Variants in NOS1AP observed in about 807,000 individuals in gnomAD.
NOS1AP encodes the protein carboxyl-terminal PDZ ligand of neuronal nitric oxide synthase protein.
NOS1AP carries 21 observed loss-of-function variants against 56.2 expected under a neutral mutation model. That is an observed-to-expected ratio of 0.37 (90% confidence interval 0.26 to 0.54). The LOEUF is 0.54. Ranked by LOEUF, NOS1AP falls within the 20% of genes least tolerant of loss-of-function variation. NOS1AP has a pLI of 0.84. For missense variants in NOS1AP, 522 were observed against 657.8 expected (o/e 0.79, Z 2.26); for synonymous variants, 270 against 274.6 (o/e 0.98, Z 0.17).
In NOS1AP at chr1:162,362,479, GAAA is replaced by G. The variant is rs1212580025; in HGVS notation, c.940-2923_940-2921del. Among the ~76,000 whole-genome samples, 3 of 35,248 alleles carry G rather than the reference GAAA, an allele frequency of 8.5e-5. No homozygotes were observed. In the Admixed American group the frequency reaches 1.0e-3, roughly 12 times the overall value. 23.1% of individuals were successfully genotyped at this position (35,248 alleles called of 152,430 possible). A position where few individuals can be genotyped will look rare whatever the true frequency, so the allele number is the denominator to read the frequency against. ...AAAAAAAGAAGAAAAAAGAAAGAAAGAAAAGAAAAGAAAAGAAACTGACTCTGC... is the reference window on the plus strand; with the variant it reads ...AAAAAAAGAAGAAAAAAGAAAGAAAGAGAAAAGAAAAGAAACTGACTCTGC... On this transcript the variant is annotated intron_variant, in intron 8 of 9. Coordinates refer to ENST00000361897, the MANE Select transcript of NOS1AP (RefSeq NM_014697.3).
At chr1:162,334,513 G>A (rs1246925549) in intron 5 of NOS1AP, among the ~76,000 whole-genome samples, 1 of 152,218 alleles carries the variant, frequency 6.6e-6, no homozygotes, top group Non-Finnish European at 1.5e-5. Flanking sequence ...GTGGCCTTGT[G>A]TAGGGGACCT....
At chr1:162,247,448 A>G (rs1414807786) in intron 2 of NOS1AP, among the ~76,000 whole-genome samples, 2 of 152,184 alleles carry the variant, frequency 1.3e-5, no homozygotes, top group Admixed American at 1.3e-4. Flanking sequence ...AGGGTTGAGT[A>G]ACCTTTCCTG....
chr1:162,292,776 T>C (rs1045036207), intron 3 of NOS1AP, among the ~76,000 whole-genome samples: 2 of 152,232 alleles, frequency 1.3e-5, no homozygotes, highest in African/African-American at 4.8e-5. Context: ...CAAACAGTAG[T>C]GCTGGTTACT....
At chr1:162,289,423 G>T (rs1275780867) in intron 3 of NOS1AP, among the ~76,000 whole-genome samples, 1 of 147,350 alleles carries the variant, frequency 6.8e-6, no homozygotes, top group African/African-American at 2.5e-5. Context: ...TCAGCCTCCC[G>T]AGTAGCTGTG....
chr1:162,100,276 A>G (rs1040562587), intron 1 of NOS1AP, among the ~76,000 whole-genome samples: 14 of 151,462 alleles, frequency 9.2e-5, no homozygotes, highest in Non-Finnish European at 2.1e-4. Context: ...CTATTTCTCC[A>G]CATCCTCTCC....
At chr1:162,283,196 T>C (rs1005751123) in intron 2 of NOS1AP, among the ~76,000 whole-genome samples, 31 of 152,088 alleles carry the variant, frequency 2.0e-4, no homozygotes, top group African/African-American at 6.0e-4. Flanking sequence ...AAATCAGGTA[T>C]TTTCAAACAT....
chr1:162,115,561 C>A (rs1028868841), intron 1 of NOS1AP, among the ~76,000 whole-genome samples: 1 of 152,116 alleles, frequency 6.6e-6, no homozygotes, highest in African/African-American at 2.4e-5. Context: ...GGCTTGCAGA[C>A]CAGCAGCAGG....
chr1:162,287,238 C>T (rs1048474069), intron 2 of NOS1AP, 106 bp from the exon 3 acceptor site: 2 of 789,648 alleles, frequency 2.5e-6, no homozygotes, highest in Non-Finnish European at 4.5e-6. Context: ...AGCTATTCCC[C>T]ACACCTGTCT....
chr1:162,231,318 T>C (rs2101668948), intron 2 of NOS1AP, among the ~76,000 whole-genome samples: 1 of 152,318 alleles, frequency 6.6e-6, no homozygotes, highest in South Asian at 2.1e-4. Context: ...CTTCTGCCCA[T>C]TTTAAAATTG....
At chr1:162,296,024 C>T (rs1457631517) in intron 3 of NOS1AP, among the ~76,000 whole-genome samples, 1 of 152,076 alleles carries the variant, frequency 6.6e-6, no homozygotes, top group African/African-American at 2.4e-5. Flanking sequence ...TGGTGGCTCA[C>T]ACCTGTAATC....
Position 162,261,067 on chromosome 1 carries a change from T to A in NOS1AP, c.178-26277T>A, listed in dbSNP as rs116208677. Among the ~76,000 whole-genome samples the A allele has an allele frequency of 6.8e-3, 926 of 136,066 alleles. 159 individuals are homozygous for A. Among genetic ancestry groups the A allele is most frequent in the African/African-American group, 0.024 (828 of 35,156 alleles). The allele number at this position is 136,066 out of a possible 152,430, so 89.3% of individuals were successfully genotyped here. ...TTCCCAAGATGACTAATATAACAAATTAGAATTTGTTATACTCCCAAAGTG... is the reference window on the plus strand; with the variant it reads ...TTCCCAAGATGACTAATATAACAAAATAGAATTTGTTATACTCCCAAAGTG... On this transcript the variant is annotated intron_variant, in intron 2 of 9. Coordinates refer to ENST00000361897, the MANE Select transcript of NOS1AP (RefSeq NM_014697.3).
chr1:162,219,525 CT>C (rs146725586), intron 2 of NOS1AP, among the ~76,000 whole-genome samples: 6,249 of 152,276 alleles, frequency 0.041, 168 homozygotes, highest in Middle Eastern at 0.078. Flanking sequence ...CTCTGACCCC[CT>C]GCCACACAAA....
intron 2 of NOS1AP, among the ~76,000 whole-genome samples, chr1:162,227,192 C>T (rs1318064904): frequency 1.3e-5 from 2 of 152,288 alleles, no homozygotes; most frequent in East Asian, 3.9e-4. Context: ...CTTTCCCCCG[C>T]TGTGCATTGA....
At chr1:162,238,351 G>A (rs1400686412) in intron 2 of NOS1AP, among the ~76,000 whole-genome samples, 2 of 152,110 alleles carry the variant, frequency 1.3e-5, no homozygotes, top group African/African-American at 4.8e-5. Context: ...CCTGGTTGGG[G>A]ATAGAGTCTA....
intron 8 of NOS1AP, among the ~76,000 whole-genome samples, chr1:162,361,244 G>A (rs922875171): frequency 6.6e-6 from 1 of 151,568 alleles, no homozygotes; most frequent in African/African-American, 2.4e-5. Flanking sequence ...TACAAAAGGG[G>A]CTTAATTCTT....
intron 4 of NOS1AP, among the ~76,000 whole-genome samples, chr1:162,304,541 G>A (rs1354761078): frequency 1.3e-5 from 2 of 150,984 alleles, no homozygotes; most frequent in Non-Finnish European, 2.9e-5. Context: ...TAGAGGGAAT[G>A]GGGAATGCCA....
intron 2 of NOS1AP, among the ~76,000 whole-genome samples, chr1:162,278,238 C>T (rs1001125115): frequency 6.6e-6 from 1 of 152,158 alleles, no homozygotes; most frequent in Non-Finnish European, 1.5e-5. Flanking sequence ...AGGTTCATAT[C>T]ACATTGAGTC....
At chr1:162,279,065 C>CT (rs1299818614) in intron 2 of NOS1AP, among the ~76,000 whole-genome samples, 2 of 152,122 alleles carry the variant, frequency 1.3e-5, no homozygotes, top group Non-Finnish European at 2.9e-5. Flanking sequence ...ACCTCTGTCT[C>CT]TTTTTTTACT....
At chr1:162,186,936 T>G (rs1651453708) in intron 2 of NOS1AP, among the ~76,000 whole-genome samples, 1 of 152,200 alleles carries the variant, frequency 6.6e-6, no homozygotes, top group Non-Finnish European at 1.5e-5. Flanking sequence ...AAAGGTTTTT[T>G]TGTTGTTGGT....
Sources: allele counts gnomAD v4.1 joint callset (sites outside exome capture counted in the v4.1 genomes callset), GRCh38; gene constraint gnomAD v4.1.1; transcripts MANE v1.5; gene names NCBI Gene and HGNC (gene_info 2026-07-23, HGNC 2026-07-21).